The following GAS6 variants were observed in gnomAD, a reference collection of about 807,000 sequenced individuals.
GAS6 encodes the protein growth arrest specific 6.
Under a neutral mutation model 75.8 loss-of-function variants are expected in GAS6, and 41 were observed. The ratio of observed to expected loss-of-function variants is 0.54; its 90% CI spans 0.42 to 0.70. The LOEUF (loss-of-function observed/expected upper bound fraction) is 0.70. GAS6 is among the 30% of genes least tolerant of loss of function. GAS6 has a pLI of 0.00. For missense variants in GAS6, 854 were observed against 940.2 expected (o/e 0.91, Z 1.20); for synonymous variants, 432 against 412.6 (o/e 1.05, Z -0.57).
chr13:113,828,562 C>A lies in GAS6; in HGVS notation c.1293G>T (p.Lys431Asn). The change falls in exon 11 of 15, where the codon AAG becomes AAT. Residue 431 changes from lysine (K) to asparagine (N), a missense_variant. Physicochemically the swap from Lys to Asn is moderately conservative, Grantham distance 94. Coordinates refer to ENST00000327773, the MANE Select transcript of GAS6 (RefSeq NM_000820.4). ...CAGTACTCACAGGCTGCACGAGGTC[C>A]TTCTCATGGAAGGGAATACCTCCCA... ...LTVGGIPFHE[K>N]DLVQPINPRL... The A allele has an allele frequency of 6.2e-7, 1 of 1,613,384 alleles. No homozygotes were observed. The highest frequency in any genetic ancestry group is 1.1e-5 in the South Asian group (1 of 91,068).
chr13:113,824,132 G>A (rs2051500503), intron 12 of GAS6, among the ~76,000 whole-genome samples: 1 of 108,356 alleles, frequency 9.2e-6, no homozygotes, highest in East Asian at 2.4e-4. Context: ...GGAGCACCGT[G>A]GTCTGGGGTC....
chr13:113,829,274 C>T (rs2138625568), intron 10 of GAS6, among the ~76,000 whole-genome samples: 1 of 147,236 alleles, frequency 6.8e-6, no homozygotes, highest in East Asian at 2.0e-4. Flanking sequence ...AAGAGGGTCC[C>T]AATCTCAGGG....
intron 12 of GAS6, among the ~76,000 whole-genome samples, chr13:113,824,718 A>G (rs72670674): frequency 0.17 from 25,451 of 151,862 alleles, 2,315 homozygotes; most frequent in African/African-American, 0.24. Flanking sequence ...GGGGCTGTGT[A>G]CGCCTGAAAC....
chr13:113,835,752 G>T, intron 6 of GAS6, 117 bp from the exon 7 acceptor site: 1 of 1,494,102 alleles, frequency 6.7e-7, no homozygotes, highest in Non-Finnish European at 8.9e-7. Flanking sequence ...AGACTCTGTG[G>T]GGCCAGCGCG....
intron 2 of GAS6, among the ~76,000 whole-genome samples, chr13:113,858,507 CTATG>C (rs2051933501): frequency 7.0e-6 from 1 of 143,376 alleles, no homozygotes; most frequent in Non-Finnish European, 1.5e-5. Flanking sequence ...CTGTGTGTGA[CTATG>C]TACATCTATG....
intron 2 of GAS6, among the ~76,000 whole-genome samples, chr13:113,856,824 G>A (rs553245933): frequency 6.9e-5 from 10 of 145,630 alleles, no homozygotes; most frequent in East Asian, 5.8e-4. Context: ...ATGCCACACC[G>A]CAGCCCTCTC....
intron 13 of GAS6, chr13:113,822,813 AG>A (rs1273967376): frequency 6.5e-6 from 1 of 153,210 alleles, no homozygotes; most frequent in African/African-American, 2.4e-5. Flanking sequence ...CACGAGCGAG[AG>A]AATAAAAGCT....
chr13:113,848,173 C>A lies in GAS6; in HGVS notation c.256-123G>T, dbSNP rs538469500. 5.0e-6 allele frequency: 5 copies of A among 1,008,630 alleles called. No homozygotes were observed. Among genetic ancestry groups the A allele is most frequent in the African/African-American group, 3.3e-5 (2 of 61,062 alleles). The allele number at this position is 1,008,630 out of a possible 1,614,324, so 62.5% of individuals were successfully genotyped here. On this transcript the variant is annotated intron_variant, in intron 2 of 14. Coordinates refer to ENST00000327773, the MANE Select transcript of GAS6 (RefSeq NM_000820.4). This position sits in a 1 kb window ranked among gnomAD's most constrained non-coding sequence, Gnocchi z 4.8. ...GGGGCAGCCAGAGGGCCGCCCCACC[C>A]GGGGAACTGAGGGGAAGTGACCGGG...
chr13:113,829,181 C>T (rs1166723887), intron 10 of GAS6, among the ~76,000 whole-genome samples: 2 of 101,176 alleles, frequency 2.0e-5, no homozygotes, highest in Admixed American at 9.0e-5. Context: ...CAAGAGGGTC[C>T]CGATCTCAGG....
In GAS6 at chr13:113,822,009, G is replaced by A; in HGVS notation, c.1831C>T (p.Leu611Phe). ...ACGGGGCTCCGCAGGTGCCTCTCGA[G>A]CACGGCCAGCCTCTCCTGCAGCTGC... ...AAQLQERLAV[L>F]ERHLRSPVLT... Residue 611 changes from leucine to phenylalanine, a missense_variant, in exon 14 of 15, where the codon CTC becomes TTC. Transcript: ENST00000327773. 6.4e-7 allele frequency: 1 copy of A among 1,558,396 alleles called. No homozygotes were observed. The highest frequency in any genetic ancestry group is 2.4e-5 in the East Asian group (1 of 42,202).
Position 113,832,410 on chromosome 13 carries a change from G to A in GAS6, c.1032C>T (p.Thr344=). The A allele has an allele frequency of 6.2e-7, 1 of 1,611,858 alleles. No homozygotes were observed. The highest frequency in any genetic ancestry group is 8.5e-7 in the Non-Finnish European group (1 of 1,179,424). ...LLFAGGHQDS[T]WIVLALRAGR... The stretch of plus-strand genomic sequence containing the variant: ...CGGCTCTCAGGGCCAGCACGATCCA[G>A]GTGCTGTCCTGGTGGCCTCCGGCAA... Residue 344 remains threonine (T), a synonymous_variant, in exon 10 of 15, where the codon ACC becomes ACT. Coordinates refer to ENST00000327773, the MANE Select transcript of GAS6 (RefSeq NM_000820.4).
chr13:113,853,296 G>A (rs55869190), intron 2 of GAS6, among the ~76,000 whole-genome samples: 1 of 152,134 alleles, frequency 6.6e-6, no homozygotes, highest in East Asian at 1.9e-4. Context: ...GTCCCAGCAA[G>A]GTCTCTGCCT....
At chr13:113,833,380 C>T (rs1470600429) in intron 8 of GAS6, 1 of 995,476 alleles carries the variant, frequency 1.0e-6, no homozygotes, top group Non-Finnish European at 1.2e-6. Flanking sequence ...AGCCCAGACC[C>T]AAGAGCCCCA....
chr13:113,826,307 T>C (rs945862573), intron 12 of GAS6, among the ~76,000 whole-genome samples: 1 of 152,224 alleles, frequency 6.6e-6, no homozygotes, highest in Admixed American at 6.5e-5. Context: ...AGAGCTTCTC[T>C]GTGCCCCTGG....
chr13:113,848,568 A>T lies in GAS6; in HGVS notation c.256-518T>A, dbSNP rs2051850984. On this transcript the variant is annotated intron_variant, in intron 2 of 14. Transcript: ENST00000327773. This position sits in a 1 kb window ranked among gnomAD's most constrained non-coding sequence, Gnocchi z 4.8. ...ACACAAGTGAGCTGTCGAGTCCTGG[A>T]ACCACCTGCCTGTCACTTGGCCAGC... 6.6e-6 allele frequency among the ~76,000 whole-genome samples: 1 copy of T among 152,136 alleles called. No individual in the cohort carries two copies. Among genetic ancestry groups the T allele is most frequent in the Admixed American group, 6.5e-5 (1 of 15,274 alleles).
chr13:113,860,223 G>A lies in GAS6; in HGVS notation c.255+3352C>T, dbSNP rs138106196. On this transcript the variant is annotated intron_variant, in intron 2 of 14. Coordinates refer to ENST00000327773, the MANE Select transcript of GAS6 (RefSeq NM_000820.4). ...GAGCACAGGCCTGGCCACATGTCGT[G>A]CAGGTGCGGGTACAGGTGCAGGTTG... Among the ~76,000 whole-genome samples the A allele has an allele frequency of 4.0e-3, 603 of 152,342 alleles. 1 individual carries two copies. The highest frequency in any genetic ancestry group is 0.012 in the African/African-American group (501 of 41,574).
rs2051934172 is a variant in GAS6, at chr13:113,858,553, G to C, written c.255+5022C>G. ...TGTGCATGTCTGTGTACGTCTGCTA[G>C]TATGTGCCTTTGTGTGTGCATGTCT... On this transcript the variant is annotated intron_variant, in intron 2 of 14. Transcript: ENST00000327773. 2.0e-5 allele frequency among the ~76,000 whole-genome samples: 3 copies of C among 149,696 alleles called. No individual in the cohort carries two copies. In the South Asian group the frequency reaches 6.4e-4, roughly 32 times the overall value.
rs11842716 is a variant in GAS6, at chr13:113,853,153, T to C, written c.256-5103A>G. Among the ~76,000 whole-genome samples, 697 of 152,318 alleles carry C rather than the reference T, an allele frequency of 4.6e-3. 3 individuals are homozygous for C. Among genetic ancestry groups the C allele is most frequent in the African/African-American group, 0.015 (635 of 41,554 alleles). On this transcript the variant is annotated intron_variant, in intron 2 of 14. Coordinates refer to ENST00000327773, the MANE Select transcript of GAS6 (RefSeq NM_000820.4). Reference sequence around the variant, plus strand: ...GGTGATGGCACACAACACAGTGCATTAACAAGACAGGAAACACTTTTGGGC... The same window carrying C: ...GGTGATGGCACACAACACAGTGCATCAACAAGACAGGAAACACTTTTGGGC...
At chr13:113,856,396 C>T (rs1280057660) in intron 2 of GAS6, among the ~76,000 whole-genome samples, 2 of 152,168 alleles carry the variant, frequency 1.3e-5, no homozygotes, top group Non-Finnish European at 1.5e-5. Context: ...CCTCTCAGGG[C>T]CTCAGTTTCC....
Sources: allele counts gnomAD v4.1 joint callset (sites outside exome capture counted in the v4.1 genomes callset), GRCh38; gene constraint gnomAD v4.1.1; non-coding constraint Gnocchi (gnomAD v3.1); transcripts MANE v1.5; gene names NCBI Gene and HGNC (gene_info 2026-07-23, HGNC 2026-07-21).